Variants in RNF150 observed in about 807,000 individuals in gnomAD.
RNF150 encodes ring finger protein 150.
Under a neutral mutation model 39.3 loss-of-function variants are expected in RNF150, and 24 were observed. The observed-to-expected ratio is 0.61, with a 90% CI of 0.44 to 0.86. The LOEUF is 0.86. Among genes scored for constraint, RNF150 ranks in the 40% least tolerant of loss-of-function variants. RNF150 has a pLI of 0.00. For missense variants in RNF150, 502 were observed against 587.8 expected (o/e 0.85, Z 1.51); for synonymous variants, 255 against 227.3 (o/e 1.12, Z -1.10).
chr4:140,992,293 C>A (rs1025289519), intron 1 of RNF150, among the ~76,000 whole-genome samples: 1 of 151,956 alleles, frequency 6.6e-6, no homozygotes, highest in African/African-American at 2.4e-5. Context: ...TCACTTGAGT[C>A]CAGAAGTTGG....
intron 5 of RNF150, among the ~76,000 whole-genome samples, chr4:140,921,499 C>T (rs1731145296): frequency 1.3e-5 from 2 of 152,102 alleles, no homozygotes; most frequent in South Asian, 2.1e-4. Context: ...CAAAAAAAGT[C>T]CAGGACCAGA....
At chr4:140,989,315 C>CA (rs899094527) in intron 1 of RNF150, among the ~76,000 whole-genome samples, 3 of 150,564 alleles carry the variant, frequency 2.0e-5, no homozygotes, top group Non-Finnish European at 3.0e-5. Context: ...TCTGCTCATT[C>CA]AAAAAAAAAG....
intron 1 of RNF150, among the ~76,000 whole-genome samples, chr4:141,097,529 AT>A (rs146419464): frequency 0.089 from 13,570 of 152,124 alleles, 833 homozygotes; most frequent in South Asian, 0.23. Flanking sequence ...ACATCAAATA[AT>A]GGTGGGCCTT....
At chr4:141,175,931 C>T (rs1258431942) in intron 1 of RNF150, among the ~76,000 whole-genome samples, 1 of 152,104 alleles carries the variant, frequency 6.6e-6, no homozygotes, top group Non-Finnish European at 1.5e-5. Flanking sequence ...GTCACCCAGG[C>T]TTAAGTGCAG....
At chr4:141,141,482 C>T (rs901539152) in intron 1 of RNF150, among the ~76,000 whole-genome samples, 5 of 152,304 alleles carry the variant, frequency 3.3e-5, no homozygotes, top group East Asian at 3.9e-4. Context: ...GGTTTCCTCT[C>T]TCTTTGAAAA....
At chr4:140,983,570 G>A (rs1452282471) in intron 1 of RNF150, among the ~76,000 whole-genome samples, 1 of 151,252 alleles carries the variant, frequency 6.6e-6, no homozygotes, top group African/African-American at 2.4e-5. Flanking sequence ...GCACTTCAGG[G>A]AATCTGCCAT....
At chr4:141,199,803 C>A (rs1728263087) in intron 1 of RNF150, among the ~76,000 whole-genome samples, 1 of 152,156 alleles carries the variant, frequency 6.6e-6, no homozygotes, top group East Asian at 1.9e-4. Flanking sequence ...ACAGAAATTA[C>A]ATTTTACTGC....
chr4:141,203,529 C>A (rs1427071782), intron 1 of RNF150, among the ~76,000 whole-genome samples: 1 of 151,834 alleles, frequency 6.6e-6, no homozygotes, highest in Non-Finnish European at 1.5e-5. Flanking sequence ...CCTCCTTCAG[C>A]CTTTAGATAG....
At chr4:140,912,542 A>C (rs529396926) in intron 5 of RNF150, among the ~76,000 whole-genome samples, 2 of 152,294 alleles carry the variant, frequency 1.3e-5, no homozygotes, top group Admixed American at 6.5e-5. Context: ...AAAACCTACA[A>C]CTCACGGACT....
In RNF150 at chr4:141,000,118, A is replaced by G. The variant is rs535442105; in HGVS notation, c.485-32245T>C. On this transcript the variant is annotated intron_variant, in intron 1 of 6. Coordinates refer to ENST00000515673, the MANE Select transcript of RNF150 (RefSeq NM_020724.2). Reference sequence around the variant, plus strand: ...AAGAAGAAGAAGAAGAGGAGGAAGAAGAAGAAGAAGAAAACATTTCCATCA... The same window carrying G: ...AAGAAGAAGAAGAAGAGGAGGAAGAGGAAGAAGAAGAAAACATTTCCATCA... Among the ~76,000 whole-genome samples the G allele has an allele frequency of 3.3e-5, 5 of 150,918 alleles. 1 individual carries two copies. The highest frequency in any genetic ancestry group is 6.6e-5 in the Admixed American group (1 of 15,114).
At chr4:140,977,434 C>T (rs193220731) in intron 1 of RNF150, among the ~76,000 whole-genome samples, 12 of 152,124 alleles carry the variant, frequency 7.9e-5, no homozygotes, top group East Asian at 1.9e-4. Context: ...ATCCATGAGA[C>T]GAAAATTCCA....
At chr4:140,971,433 C>G (rs995939254) in intron 1 of RNF150, among the ~76,000 whole-genome samples, 1 of 152,046 alleles carries the variant, frequency 6.6e-6, no homozygotes, top group Non-Finnish European at 1.5e-5. Context: ...CAAGGAGGTC[C>G]GGCTATTTGG....
Position 140,870,302 on chromosome 4 carries a change from A to C in RNF150, c.1199-1923T>G, listed in dbSNP as rs543353018. On this transcript the variant is annotated intron_variant, in intron 6 of 6. Transcript: ENST00000515673. The stretch of plus-strand genomic sequence containing the variant: ...CCTGGAAGCAGCTCTATAAAGATAC[A>C]AGTCTTTGGTATTTAAAAACAGTGG... 2.6e-5 allele frequency among the ~76,000 whole-genome samples: 4 copies of C among 152,324 alleles called. No individual in the cohort carries two copies. The South Asian group carries it at 8.3e-4, about 32-fold the overall frequency.
intron 1 of RNF150, among the ~76,000 whole-genome samples, chr4:141,078,555 G>A (rs1199030093): frequency 1.3e-5 from 2 of 151,498 alleles, no homozygotes; most frequent in Non-Finnish European, 2.9e-5. Flanking sequence ...AGGTCAAGGT[G>A]GGCAGATCAC....
intron 6 of RNF150, among the ~76,000 whole-genome samples, chr4:140,893,006 G>T (rs1028444684): frequency 3.0e-4 from 46 of 152,240 alleles, no homozygotes; most frequent in African/African-American, 1.1e-3. Flanking sequence ...GATTGAGGCT[G>T]CAGTGAGCCA....
intron 1 of RNF150, among the ~76,000 whole-genome samples, chr4:141,153,635 C>G (rs1056891338): frequency 2.6e-5 from 4 of 152,158 alleles, no homozygotes; most frequent in African/African-American, 9.7e-5. Context: ...TTCAGATGAG[C>G]ATTCACCTAT....
chr4:140,978,771 A>G (rs1733757028), intron 1 of RNF150, among the ~76,000 whole-genome samples: 1 of 152,108 alleles, frequency 6.6e-6, no homozygotes, highest in African/African-American at 2.4e-5. Flanking sequence ...ATATTCAGTA[A>G]ATCAGTCTTA....
At chr4:140,946,600 GCT>G (rs1732321877) in intron 4 of RNF150, among the ~76,000 whole-genome samples, 1 of 152,046 alleles carries the variant, frequency 6.6e-6, no homozygotes, top group Non-Finnish European at 1.5e-5. Context: ...GATCCTCCCA[GCT>G]CATCCTCCTG....
rs549853807 is a variant in RNF150 at position 140,923,691 on chromosome 4, A to G, written c.987+2286T>C. 1.4e-4 allele frequency among the ~76,000 whole-genome samples: 22 copies of G among 152,374 alleles called. No homozygotes were observed. In the East Asian group the frequency reaches 3.9e-3, roughly 27 times the overall value. On this transcript the variant is annotated intron_variant, in intron 5 of 6. Transcript: ENST00000515673. ...GCACACGTGTGTTTATTGCAGCACT[A>G]TTCACAATAGCAAAGATTTGGAACC...
Sources: allele counts gnomAD v4.1 joint callset (sites outside exome capture counted in the v4.1 genomes callset), GRCh38; gene constraint gnomAD v4.1.1; transcripts MANE v1.5; gene names NCBI Gene and HGNC (gene_info 2026-07-23, HGNC 2026-07-21).